ETS1: variants seen among roughly 807,000 people sequenced by gnomAD.
ETS1 encodes the protein ETS proto-oncogene 1, transcription factor, also known as protein C-ets-1.
In ETS1, 15 loss-of-function variants were observed where a neutral mutation model predicts 58.6. That is an observed-to-expected ratio of 0.26 (90% confidence interval 0.17 to 0.39). The LOEUF is 0.39. Among genes scored for constraint, ETS1 ranks in the 10% least tolerant of loss-of-function variants. The probability of loss-of-function intolerance (pLI) is 1.00; values close to 1 mark genes in which losing one functional copy is unlikely to be tolerated. For synonymous variants in ETS1, 214 were observed against 218.2 expected (o/e 0.98, Z 0.17); for missense variants, 417 against 610.5 (o/e 0.68, Z 3.34).
chr11:128,466,794 A>C (rs542403110), intron 8 of ETS1, among the ~76,000 whole-genome samples: 1 of 151,886 alleles, frequency 6.6e-6, no homozygotes, highest in Non-Finnish European at 1.5e-5. Context: ...GTTTACACCC[A>C]AGGAAAGAGG....
chr11:128,518,390 G>C (rs1329774765), intron 3 of ETS1, among the ~76,000 whole-genome samples: 1 of 152,150 alleles, frequency 6.6e-6, no homozygotes, highest in African/African-American at 2.4e-5. Context: ...TTGTTGACTT[G>C]CTCTGTAGTT....
intron 5 of ETS1, 21 bp downstream of exon 5, chr11:128,489,265 CCTCT>C: frequency 3.1e-6 from 5 of 1,606,496 alleles, no homozygotes; most frequent in Non-Finnish European, 4.3e-6. Flanking sequence ...ATAACCTCCA[CCTCT>C]CTCTGTTTCC....
intron 8 of ETS1, among the ~76,000 whole-genome samples, chr11:128,469,951 C>A (rs905694462): frequency 6.6e-6 from 1 of 152,196 alleles, no homozygotes; most frequent in Admixed American, 6.5e-5. Context: ...ATTCTATAAA[C>A]GTGTTCCTGT....
chr11:128,564,000 A>T (rs2135566212), intron 2 of ETS1, among the ~76,000 whole-genome samples: 1 of 152,196 alleles, frequency 6.6e-6, no homozygotes, highest in Non-Finnish European at 1.5e-5. Flanking sequence ...ACGCTTTAGC[A>T]CCTCCGTACC....
intron 6 of ETS1, 147 bp downstream of exon 6, chr11:128,485,922 A>C: frequency 1.7e-6 from 1 of 602,612 alleles, no homozygotes; most frequent in Non-Finnish European, 3.0e-6. Flanking sequence ...GTGGAAAATA[A>C]TAAAATAAAG....
At position 128,459,066 on chromosome 11, in the gene ETS1, A is replaced by C. The variant is rs1397856762; in HGVS notation, c.*3295T>G. On this transcript the variant is annotated 3_prime_UTR_variant, in exon 10 of 10. Coordinates refer to ENST00000392668, the MANE Select transcript of ETS1 (RefSeq NM_001143820.2). ...AAAATATAAATTATATGAAAATACA[A>C]GTTGGAAAATAGTCAAACACAATAT... The C allele has an allele frequency of 6.6e-6, 1 of 152,240 alleles. No homozygotes were observed. The highest frequency in any genetic ancestry group is 2.1e-4 in the South Asian group (1 of 4,810). The allele number at this position is 152,240 out of a possible 1,614,324, so 9.4% of individuals were successfully genotyped here.
At chr11:128,581,855 T>A (rs562751688) in intron 1 of ETS1, among the ~76,000 whole-genome samples, 1 of 152,126 alleles carries the variant, frequency 6.6e-6, no homozygotes, top group Non-Finnish European at 1.5e-5. Context: ...AGAGGCACCA[T>A]AAATAGAAAG....
At chr11:128,480,162 G>A in intron 8 of ETS1, 29 bp downstream of exon 8, 1 of 1,609,974 alleles carries the variant, frequency 6.2e-7, no homozygotes, top group Non-Finnish European at 8.5e-7. Context: ...TGCAGATGGA[G>A]TTGGCCTAAG....
At chr11:128,474,641 A>G (rs1862273569) in intron 8 of ETS1, among the ~76,000 whole-genome samples, 1 of 152,080 alleles carries the variant, frequency 6.6e-6, no homozygotes, top group Admixed American at 6.5e-5. Flanking sequence ...CTATTACTCC[A>G]CTGAGATCCC....
Position 128,484,713 on chromosome 11 carries a change from G to T in ETS1, c.862+110C>A, listed in dbSNP as rs1591605768. ...CTAAGATGGGAAGGCTGAAACTGAG[G>T]AATCTACAGGTCTAATAAATAAGAA... On this transcript the variant is annotated intron_variant, in intron 7 of 9. Coordinates refer to ENST00000392668, the MANE Select transcript of ETS1 (RefSeq NM_001143820.2). 5 of 937,690 alleles carry T rather than the reference G, an allele frequency of 5.3e-6. No homozygotes were observed. In the South Asian group the frequency reaches 6.8e-5, roughly 13 times the overall value. 58.1% of individuals were successfully genotyped at this position (937,690 alleles called of 1,614,324 possible).
chr11:128,506,039 C>T (rs1033268963), intron 3 of ETS1, among the ~76,000 whole-genome samples: 1 of 152,192 alleles, frequency 6.6e-6, no homozygotes, highest in Admixed American at 6.5e-5. Context: ...TGGGGAGATG[C>T]AGCGCTCCCC....
chr11:128,461,209 G>C lies in ETS1; in HGVS notation c.*1152C>G, dbSNP rs1861896743. On this transcript the variant is annotated 3_prime_UTR_variant, in exon 10 of 10. Coordinates refer to ENST00000392668, the MANE Select transcript of ETS1 (RefSeq NM_001143820.2). Reference sequence around the variant, plus strand: ...AATAAGACATAAAAGAAAAATTACAGAGTGTTAGTTTGGAACGACATGCAT... The same window carrying C: ...AATAAGACATAAAAGAAAAATTACACAGTGTTAGTTTGGAACGACATGCAT... 1 of 152,780 alleles carries C rather than the reference G, an allele frequency of 6.5e-6. No homozygotes were observed. The highest frequency in any genetic ancestry group is 1.5e-5 in the Non-Finnish European group (1 of 68,042). 9.5% of individuals were successfully genotyped at this position (152,780 alleles called of 1,614,324 possible).
At chr11:128,565,845 G>A (rs571622428) in intron 2 of ETS1, among the ~76,000 whole-genome samples, 45 of 152,308 alleles carry the variant, frequency 3.0e-4, no homozygotes, top group Middle Eastern at 3.4e-3. Flanking sequence ...AGGAAAGGGT[G>A]TCTTCACTAG....
At chr11:128,545,398 A>G (rs1007914740) in intron 3 of ETS1, among the ~76,000 whole-genome samples, 4 of 152,174 alleles carry the variant, frequency 2.6e-5, no homozygotes, top group African/African-American at 9.7e-5. Flanking sequence ...AAGAACATGC[A>G]CTTTGGAGGA....
chr11:128,480,207 G>A lies in ETS1; in HGVS notation c.1107C>T (p.Ala369=). The change falls in exon 8 of 10, where the codon GCC becomes GCT. Residue 369 remains alanine, a synonymous_variant. Coordinates refer to ENST00000392668, the MANE Select transcript of ETS1 (RefSeq NM_001143820.2). ...GGCGCCTACCTGTGTAGCCAGCTAG[G>A]GCAGCAGCAGGAATGACAGGCTTGT... The part of the protein sequence containing the change: ...NKDKPVIPAA[A]LAGYTGSGPI... The A allele has an allele frequency of 1.2e-6, 2 of 1,614,022 alleles. No homozygotes were observed. Among genetic ancestry groups the A allele is most frequent in the South Asian group, 1.1e-5 (1 of 91,064 alleles).
rs370871427 is a variant in ETS1 at position 128,556,401 on chromosome 11, C to T, written c.104G>A (p.Arg35Gln). 6.2e-5 allele frequency: 100 copies of T among 1,612,516 alleles called. No homozygotes were observed. The Admixed American group carries it at 7.2e-4, about 12-fold the overall frequency. ...QGPSNTYEDP[R>Q]MNCGFQSNYH... Reference sequence around the variant, plus strand: ...ATTGGACTGGAAACCACAGTTCATTCGAGGATCTTCATAAGTGTTGCTAGG... The same window carrying T: ...ATTGGACTGGAAACCACAGTTCATTTGAGGATCTTCATAAGTGTTGCTAGG... Residue 35 changes from arginine (R) to glutamine (Q), a missense_variant, in exon 3 of 10, where the codon CGA becomes CAA. Coordinates refer to ENST00000392668, the MANE Select transcript of ETS1 (RefSeq NM_001143820.2).
At chr11:128,529,751 C>T (rs1863865015) in intron 3 of ETS1, among the ~76,000 whole-genome samples, 1 of 152,178 alleles carries the variant, frequency 6.6e-6, no homozygotes, top group African/African-American at 2.4e-5. Context: ...GAGTATGTCA[C>T]TGCAGTCATC....
chr11:128,460,764 T>C lies in ETS1; in HGVS notation c.*1597A>G, dbSNP rs1309921744. 6.6e-6 allele frequency: 1 copy of C among 152,370 alleles called. No individual in the cohort carries two copies. Among genetic ancestry groups the C allele is most frequent in the African/African-American group, 2.4e-5 (1 of 41,452 alleles). 9.4% of individuals were successfully genotyped at this position (152,370 alleles called of 1,614,324 possible). On this transcript the variant is annotated 3_prime_UTR_variant, in exon 10 of 10. Coordinates refer to ENST00000392668, the MANE Select transcript of ETS1 (RefSeq NM_001143820.2). ...GAACTAAAAATCTATTCAAATCTCA[T>C]GGACAACCTTATTTTCCTCACTGAA...
intron 2 of ETS1, among the ~76,000 whole-genome samples, chr11:128,569,318 C>CTGTTTTTTTTTTTTTTTTTTTTTT (rs1555089976): frequency 2.5e-5 from 1 of 39,460 alleles, no homozygotes; most frequent in Non-Finnish European, 4.5e-5. Flanking sequence ...AGAGTTTCTT[C>CTGTTTTTTTTTTTTTTTTTTTTTT]TTTTTTTTTT....
Sources: gnomAD v4.1 joint callset for allele counts (sites outside exome capture counted in the v4.1 genomes callset) on GRCh38, gnomAD v4.1.1 for gene constraint, MANE v1.5 for transcripts, NCBI Gene and HGNC (gene_info 2026-07-23, HGNC 2026-07-21) for gene names.